GRAMD1C: variants seen among roughly 807,000 people sequenced by gnomAD.
The protein encoded by GRAMD1C is protein Aster-C.
Under a neutral mutation model 97.8 loss-of-function variants are expected in GRAMD1C, and 89 were observed. The observed-to-expected ratio is 0.91, with a 90% CI of 0.77 to 1.09. GRAMD1C has a LOEUF of 1.09. GRAMD1C is among the 50% of genes least tolerant of loss of function. GRAMD1C has a pLI of 0.00. For missense variants in GRAMD1C, 740 were observed against 766.4 expected, an observed-to-expected ratio of 0.97 and a Z score of 0.41; for synonymous variants, 256 against 267.0, an observed-to-expected ratio of 0.96 and a Z score of 0.40.
chr3:113,865,755 T>C (rs1934559144), intron 2 of GRAMD1C, among the ~76,000 whole-genome samples: 1 of 152,206 alleles, frequency 6.6e-6, no homozygotes, highest in Non-Finnish European at 1.5e-5. Flanking sequence ...CTTTCTTCTC[T>C]ATTTTCCATT....
At position 113,919,314 on chromosome 3, in the gene GRAMD1C, G is replaced by A. The variant is rs1345660911; in HGVS notation, c.1090+3476G>A. 3 of 486,882 alleles carry A rather than the reference G, an allele frequency of 6.2e-6. No individual in the cohort carries two copies. In the East Asian group the frequency reaches 1.8e-4, roughly 30 times the overall value. The allele number at this position is 486,882 out of a possible 1,614,324, so 30.2% of individuals were successfully genotyped here. A position where few individuals can be genotyped will look rare whatever the true frequency, so the allele number is the denominator to read the frequency against. On this transcript the variant is annotated intron_variant, in intron 10 of 17. Coordinates refer to ENST00000358160, the MANE Select transcript of GRAMD1C (RefSeq NM_017577.5). ...CAGGAAAATGACAGAAATGAAAACT[G>A]AAGATGGCAAAGTAGAAAAACACCA... is the stretch of plus-strand genomic sequence containing the variant.
intron 1 of GRAMD1C, among the ~76,000 whole-genome samples, chr3:113,840,593 A>G (rs928017700): frequency 2.0e-5 from 3 of 152,142 alleles, no homozygotes; most frequent in Non-Finnish European, 2.9e-5. Flanking sequence ...TAAAAAAAAA[A>G]AAGAAAGAAA....
At chr3:113,855,612 G>C (rs758623308) in intron 2 of GRAMD1C, among the ~76,000 whole-genome samples, 12 of 151,854 alleles carry the variant, frequency 7.9e-5, no homozygotes, top group Non-Finnish European at 1.8e-4. Context: ...GGCTGAGGTG[G>C]GAGAATTGCT....
chr3:113,849,358 G>A (rs1933758945), intron 2 of GRAMD1C, among the ~76,000 whole-genome samples: 1 of 151,090 alleles, frequency 6.6e-6, no homozygotes, highest in Admixed American at 6.6e-5. Flanking sequence ...ATTTGGCAGG[G>A]TCATAGGACA....
intron 12 of GRAMD1C, among the ~76,000 whole-genome samples, 182 bp from the exon 13 acceptor site, chr3:113,934,250 T>G (rs1022157187): frequency 6.6e-6 from 1 of 152,180 alleles, no homozygotes; most frequent in Non-Finnish European, 1.5e-5. Flanking sequence ...TTTGATGAAA[T>G]TATTAGCAGC....
At chr3:113,833,100 TTTTCTTTC>T (rs745966042) in intron 1 of GRAMD1C, among the ~76,000 whole-genome samples, 8 of 147,048 alleles carry the variant, frequency 5.4e-5, no homozygotes, top group Non-Finnish European at 7.4e-5. Flanking sequence ...TTTTCTTTTC[TTTTCTTTC>T]TTTCTTTCTT....
intron 14 of GRAMD1C, among the ~76,000 whole-genome samples, 169 bp from the exon 15 acceptor site, chr3:113,937,917 A>T (rs1472197745): frequency 6.6e-6 from 1 of 151,136 alleles, no homozygotes; most frequent in Non-Finnish European, 1.5e-5. Flanking sequence ...AGGCAGGAAA[A>T]TTGCTTGAAC....
At chr3:113,931,102 T>C (rs113982041) in intron 11 of GRAMD1C, among the ~76,000 whole-genome samples, 22 of 152,320 alleles carry the variant, frequency 1.4e-4, no homozygotes, top group African/African-American at 5.3e-4. Context: ...AGCTGTGTAT[T>C]AAAGAAAATA....
Position 113,936,419 on chromosome 3 carries a change from T to C in GRAMD1C, c.1610T>C (p.Leu537Ser). 1 of 1,611,014 alleles carries C rather than the reference T, an allele frequency of 6.2e-7. No homozygotes were observed. The highest frequency in any genetic ancestry group is 2.2e-5 in the East Asian group (1 of 44,828). ...SSQHSSGDVG[L>S]GAKGDITGKK... is the part of the protein sequence containing the mutation. ...CAGCATTCCTCTGGAGATGTGGGCTTAGGTGCCAAAGGGGATATTACAGGT... is the reference window on the plus strand; with the variant it reads ...CAGCATTCCTCTGGAGATGTGGGCTCAGGTGCCAAAGGGGATATTACAGGT... Residue 537 changes from leucine (L) to serine (S), a missense_variant, in exon 14 of 18, where the codon TTA becomes TCA. Physicochemically the swap from Leu to Ser is moderately radical, Grantham distance 145. Coordinates refer to ENST00000358160, the MANE Select transcript of GRAMD1C (RefSeq NM_017577.5).
upstream of GRAMD1C, among the ~76,000 whole-genome samples, chr3:113,834,899 C>T (rs1288532107): frequency 6.7e-6 from 1 of 148,908 alleles, no homozygotes; most frequent in Non-Finnish European, 1.5e-5. Flanking sequence ...GAGGTCGTGC[C>T]ATTGCACTCT....
At chr3:113,917,230 C>T (rs1000742571) in intron 10 of GRAMD1C, among the ~76,000 whole-genome samples, 1 of 152,184 alleles carries the variant, frequency 6.6e-6, no homozygotes, top group African/African-American at 2.4e-5. Context: ...CATGATTTAG[C>T]TTGCTACATA....
intron 12 of GRAMD1C, among the ~76,000 whole-genome samples, chr3:113,933,991 C>A (rs527655747): frequency 2.0e-5 from 3 of 152,176 alleles, no homozygotes; most frequent in African/African-American, 7.2e-5. Flanking sequence ...GCTCAGTGAG[C>A]GGTAATTGGC....
chr3:113,867,534 C>T (rs980368202), intron 2 of GRAMD1C, among the ~76,000 whole-genome samples: 2 of 152,148 alleles, frequency 1.3e-5, no homozygotes, highest in African/African-American at 2.4e-5. Context: ...TTAGGTGATC[C>T]ACCCACCTTG....
chr3:113,885,281 G>A (rs1291881561), intron 6 of GRAMD1C: 5 of 1,437,272 alleles, frequency 3.5e-6, no homozygotes, highest in East Asian at 2.4e-5. Flanking sequence ...GGGGCCGGCG[G>A]TGCCGGGGTC....
rs543751965 is a variant in GRAMD1C, at chr3:113,935,623, G to A, written c.1457-643G>A. 4.6e-5 allele frequency among the ~76,000 whole-genome samples: 7 copies of A among 151,554 alleles called. No individual in the cohort carries two copies. The East Asian group carries it at 5.8e-4, about 13-fold the overall frequency. On this transcript the variant is annotated intron_variant, in intron 13 of 17. Coordinates refer to ENST00000358160, the MANE Select transcript of GRAMD1C (RefSeq NM_017577.5). ...AAAGCTGGTGGTCAGTCAACTCAAG[G>A]TAATTTAAGGCTTATCATCTAGTTT...
intron 2 of GRAMD1C, among the ~76,000 whole-genome samples, chr3:113,849,795 A>G (rs909214635): frequency 1.3e-5 from 2 of 152,058 alleles, no homozygotes; most frequent in African/African-American, 4.8e-5. Context: ...CCCGTTCTCA[A>G]TGAGCTGTTG....
intron 11 of GRAMD1C, among the ~76,000 whole-genome samples, chr3:113,932,822 C>T (rs1162881951): frequency 6.6e-6 from 1 of 152,098 alleles, no homozygotes; most frequent in African/African-American, 2.4e-5. Context: ...CTTCCCACCT[C>T]ATTCTCCCAA....
intron 7 of GRAMD1C, among the ~76,000 whole-genome samples, chr3:113,903,907 G>A (rs2107319432): frequency 6.7e-6 from 1 of 150,262 alleles, no homozygotes; most frequent in Non-Finnish European, 1.5e-5. Context: ...ATTTTTTAAT[G>A]TTTTTGAGAT....
At chr3:113,877,040 G>T (rs1005876492) in intron 5 of GRAMD1C, among the ~76,000 whole-genome samples, 1 of 151,990 alleles carries the variant, frequency 6.6e-6, no homozygotes, top group African/African-American at 2.4e-5. Flanking sequence ...TAGAGACAGG[G>T]TCTTGCCATG....
Sources: allele counts gnomAD v4.1 joint callset (sites outside exome capture counted in the v4.1 genomes callset), GRCh38; gene constraint gnomAD v4.1.1; transcripts MANE v1.5; gene names NCBI Gene and HGNC (gene_info 2026-07-23, HGNC 2026-07-21).